The following LEF1 variants were observed in gnomAD, a reference collection of about 807,000 sequenced individuals.
LEF1 encodes the protein lymphoid enhancer binding factor 1.
Under a neutral mutation model 51.2 loss-of-function variants are expected in LEF1, and 14 were observed. That is an observed-to-expected ratio of 0.27 (90% CI 0.18 to 0.43). The LOEUF (loss-of-function observed/expected upper bound fraction) is 0.43. Ranked by LOEUF, LEF1 falls within the 20% of genes least tolerant of loss-of-function variation. The pLI is 1.00. For missense variants in LEF1, 386 were observed against 512.0 expected (o/e 0.75, Z 2.37); for synonymous variants, 185 against 183.2 (o/e 1.01, Z -0.08).
intron 8 of LEF1, among the ~76,000 whole-genome samples, chr4:108,077,178 A>AT (rs1738920642): frequency 4.4e-4 from 66 of 150,658 alleles, no homozygotes; most frequent in East Asian, 7.8e-4. Context: ...ATCTCTACAA[A>AT]ATTTTTTTTT....
intron 5 of LEF1, among the ~76,000 whole-genome samples, chr4:108,082,879 T>C (rs1171711673): frequency 2.0e-5 from 3 of 152,224 alleles, no homozygotes; most frequent in Non-Finnish European, 2.9e-5. Flanking sequence ...ATTGGATGCT[T>C]ACTTCATTAA....
chr4:108,148,800 C>T (rs1037802211), intron 3 of LEF1, among the ~76,000 whole-genome samples: 8 of 152,160 alleles, frequency 5.3e-5, no homozygotes, highest in Admixed American at 3.3e-4. Context: ...CCTATAACAA[C>T]ATATAATTAG....
At chr4:108,064,647 TCTCTCA>T (rs1322002964) in intron 9 of LEF1, among the ~76,000 whole-genome samples, 1 of 142,728 alleles carries the variant, frequency 7.0e-6, no homozygotes, top group African/African-American at 3.0e-5. Context: ...TCTCTCTCTC[TCTCTCA>T]CTCACACACA....
At chr4:108,056,222 TAAGGCTCA>T (rs1475337932) in intron 11 of LEF1, among the ~76,000 whole-genome samples, 8 of 151,704 alleles carry the variant, frequency 5.3e-5, no homozygotes, top group Non-Finnish European at 1.2e-4. Flanking sequence ...GCTCTAAACA[TAAGGCTCA>T]GAGAACTGAG....
At chr4:108,118,687 A>T (rs1342312093) in intron 3 of LEF1, among the ~76,000 whole-genome samples, 1 of 152,194 alleles carries the variant, frequency 6.6e-6, no homozygotes, top group Non-Finnish European at 1.5e-5. Flanking sequence ...CTTTCTCAGT[A>T]TGACTCATGT....
intron 3 of LEF1, among the ~76,000 whole-genome samples, chr4:108,106,136 C>A (rs891696253): frequency 2.4e-4 from 36 of 152,176 alleles, no homozygotes; most frequent in African/African-American, 8.4e-4. Context: ...CAGTCAATTT[C>A]ACCTATCCAA....
intron 3 of LEF1, among the ~76,000 whole-genome samples, chr4:108,154,005 G>T (rs182304942): frequency 9.9e-4 from 151 of 152,290 alleles, no homozygotes; most frequent in Middle Eastern, 6.8e-3. Context: ...CAGAAAAAGT[G>T]ATCGTCTTTA....
At chr4:108,146,309 G>C (rs1209567361) in intron 3 of LEF1, among the ~76,000 whole-genome samples, 8 of 152,216 alleles carry the variant, frequency 5.3e-5, no homozygotes, top group Admixed American at 5.2e-4. Context: ...AGTAGGTATG[G>C]CTTGGTGTTC....
intron 3 of LEF1, among the ~76,000 whole-genome samples, chr4:108,127,425 ACT>A (rs1742616939): frequency 6.6e-6 from 1 of 152,074 alleles, no homozygotes; most frequent in South Asian, 2.1e-4. Context: ...ATCTCATGTG[ACT>A]CTCCAGGGAT....
At chr4:108,099,703 C>G (rs1437937373) in intron 3 of LEF1, among the ~76,000 whole-genome samples, 1 of 149,100 alleles carries the variant, frequency 6.7e-6, no homozygotes, top group Non-Finnish European at 1.5e-5. Flanking sequence ...GTTTGCCGCA[C>G]CCATCAACCT....
At chr4:108,051,750 T>G (rs1737008319) in intron 11 of LEF1, among the ~76,000 whole-genome samples, 1 of 151,944 alleles carries the variant, frequency 6.6e-6, no homozygotes, top group Non-Finnish European at 1.5e-5. Context: ...ACCCCCCTGA[T>G]GCTCTCCTGG....
chr4:108,099,570 G>GTATATATATATA (rs551521155), intron 3 of LEF1, among the ~76,000 whole-genome samples: 8 of 70,208 alleles, frequency 1.1e-4, no homozygotes, highest in South Asian at 6.0e-4. Flanking sequence ...GTGTGTGTGT[G>GTATATATATATA]TATATATATA....
intron 3 of LEF1, among the ~76,000 whole-genome samples, chr4:108,132,658 C>CTTTTTTTTTTT (rs1560813326): frequency 2.8e-5 from 1 of 35,718 alleles, no homozygotes; most frequent in Non-Finnish European, 6.5e-5. Flanking sequence ...CGAAAATCTG[C>CTTTTTTTTTTT]CTTTTTTTTT....
intron 3 of LEF1, among the ~76,000 whole-genome samples, chr4:108,154,865 T>C (rs1363591035): frequency 6.6e-6 from 1 of 152,134 alleles, no homozygotes; most frequent in Non-Finnish European, 1.5e-5. Flanking sequence ...TTAACATTCA[T>C]GGGATTTTAC....
chr4:108,158,283 T>C (rs1239261722), intron 3 of LEF1, among the ~76,000 whole-genome samples: 3 of 152,150 alleles, frequency 2.0e-5, no homozygotes, highest in Non-Finnish European at 4.4e-5. Context: ...TAAGGACATG[T>C]AAGGATAGCA....
chr4:108,083,482 T>G, intron 4 of LEF1, 36 bp from the exon 5 acceptor site: 1 of 1,366,960 alleles, frequency 7.3e-7, no homozygotes, highest in Non-Finnish European at 1.0e-6. Context: ...ATTTACAGAT[T>G]CACAGGATAT....
intron 3 of LEF1, among the ~76,000 whole-genome samples, chr4:108,111,213 T>C (rs1171185369): frequency 6.6e-6 from 1 of 152,190 alleles, no homozygotes; most frequent in South Asian, 2.1e-4. Context: ...GCCCAGGTGG[T>C]TGTGACAGTC....
intron 3 of LEF1, among the ~76,000 whole-genome samples, chr4:108,133,847 A>G (rs995812453): frequency 6.6e-6 from 1 of 152,134 alleles, no homozygotes; most frequent in African/African-American, 2.4e-5. Context: ...ATCTCATTTT[A>G]TTGTCATATA....
chr4:108,099,865 T>C (rs1740694838), intron 3 of LEF1, among the ~76,000 whole-genome samples: 1 of 151,982 alleles, frequency 6.6e-6, no homozygotes, highest in South Asian at 2.1e-4. Context: ...TATGATTAAA[T>C]TGTGTGTCTT....
Sources: gnomAD v4.1 joint callset for allele counts (sites outside exome capture counted in the v4.1 genomes callset) on GRCh38, gnomAD v4.1.1 for gene constraint, MANE v1.5 for transcripts, NCBI Gene and HGNC (gene_info 2026-07-23, HGNC 2026-07-21) for gene names.